IL23R: variants seen among roughly 807,000 people sequenced by gnomAD.
IL23R encodes the protein interleukin 23 receptor, also known as interleukin-23 receptor.
IL23R carries 34 observed loss-of-function variants against 56.9 expected under a neutral mutation model. The observed-to-expected ratio is 0.60, with a 90% CI of 0.45 to 0.80. The LOEUF is 0.80. IL23R is among the 30% of genes least tolerant of loss of function. IL23R has a pLI of 0.00. For missense variants in IL23R, 635 were observed against 730.0 expected (o/e 0.87, Z 1.50); for synonymous variants, 230 against 249.2 (o/e 0.92, Z 0.73).
chr1:67,236,724 A>T lies in IL23R; in HGVS notation c.967A>T (p.Thr323Ser). ...HKTPETVPQV[T>S]SKAFQHDTWN... The stretch of plus-strand genomic sequence containing the variant: ...CCTTTTGGTTTAAGTTCCCCAGGTC[A>T]CATCAAAAGCATTCCAACATGACAC... Residue 323 changes from threonine (T) to serine (S), a missense_variant, in exon 8 of 11, where the codon ACA becomes TCA. By Grantham distance (58) the Thr-to-Ser change is moderately conservative (BLOSUM62 1). Coordinates refer to ENST00000347310, the MANE Select transcript of IL23R (RefSeq NM_144701.3). 6.2e-7 allele frequency: 1 copy of T among 1,612,658 alleles called. No individual in the cohort carries two copies. Among genetic ancestry groups the T allele is most frequent in the Non-Finnish European group, 8.5e-7 (1 of 1,178,618 alleles).
chr1:67,186,051 C>T (rs1558234091), intron 4 of IL23R, among the ~76,000 whole-genome samples: 1 of 152,172 alleles, frequency 6.6e-6, no homozygotes, highest in Non-Finnish European at 1.5e-5. Context: ...TCTCTGGCTA[C>T]ACCACTGGAG....
intron 1 of IL23R, among the ~76,000 whole-genome samples, chr1:67,160,735 G>A (rs1436968161): frequency 6.6e-6 from 1 of 152,066 alleles, no homozygotes; most frequent in Non-Finnish European, 1.5e-5. Context: ...AGGCTGGAGT[G>A]CAGTGGCATG....
intron 1 of IL23R, among the ~76,000 whole-genome samples, chr1:67,151,773 T>G (rs1179928853): frequency 6.6e-6 from 1 of 152,206 alleles, no homozygotes; most frequent in Non-Finnish European, 1.5e-5. Flanking sequence ...ATATGTGGTG[T>G]TGTTTCTGAG....
chr1:67,258,064 C>T (rs547036650), intron 10 of IL23R, among the ~76,000 whole-genome samples: 11 of 152,098 alleles, frequency 7.2e-5, no homozygotes, highest in Admixed American at 6.6e-4. Context: ...TTCTCCCCAA[C>T]CTTTTTTTAT....
At chr1:67,228,475 G>A (rs1052326394) in intron 7 of IL23R, among the ~76,000 whole-genome samples, 1 of 149,146 alleles carries the variant, frequency 6.7e-6, no homozygotes, top group Middle Eastern at 3.6e-3. Flanking sequence ...TGGGCTTACA[G>A]GCAGGAGCCA....
At chr1:67,149,952 C>T (rs925180951) in intron 1 of IL23R, among the ~76,000 whole-genome samples, 11 of 152,098 alleles carry the variant, frequency 7.2e-5, no homozygotes, top group South Asian at 6.3e-4. Context: ...GAGAGTTAGT[C>T]GAAAAATTGC....
upstream of IL23R, among the ~76,000 whole-genome samples, chr1:67,163,091 C>G (rs1446318321): frequency 1.3e-5 from 2 of 151,992 alleles, no homozygotes; most frequent in African/African-American, 4.8e-5. Context: ...TCTTTTTTCT[C>G]CAACAAAGCT....
intron 7 of IL23R, among the ~76,000 whole-genome samples, chr1:67,221,257 G>T (rs138481132): frequency 1.3e-4 from 20 of 151,856 alleles, no homozygotes; most frequent in Admixed American, 3.3e-4. Context: ...GGAGACAGAG[G>T]TTGGAGTGAG....
At chr1:67,211,101 G>A (rs1395511591) in intron 6 of IL23R, among the ~76,000 whole-genome samples, 1 of 152,036 alleles carries the variant, frequency 6.6e-6, no homozygotes, top group Admixed American at 6.5e-5. Context: ...TGAACTTTAT[G>A]GTTGTTTGCA....
In IL23R at chr1:67,169,524, G is replaced by A. The variant is rs1433548222; in HGVS notation, c.253G>A (p.Ala85Thr). Residue 85 changes from alanine to threonine, a missense_variant, in exon 3 of 11, where the codon GCT becomes ACT. By Grantham distance (58) the Ala-to-Thr change is moderately conservative (BLOSUM62 0). Coordinates refer to ENST00000347310, the MANE Select transcript of IL23R (RefSeq NM_144701.3). ...AATCACAAGGATTAATAAAACAACA[G>A]CTCGGCTTTGGTATAAAAACTTTCT... ...FQITRINKTTARLWYKNFLEP... is the reference protein window; with the variant it reads ...FQITRINKTTTRLWYKNFLEP... The A allele has an allele frequency of 1.2e-6, 2 of 1,613,798 alleles. No homozygotes were observed. The highest frequency in any genetic ancestry group is 2.7e-5 in the African/African-American group (2 of 74,914).
upstream of IL23R, among the ~76,000 whole-genome samples, chr1:67,163,468 C>CAAAA (rs57495148): frequency 1.0e-3 from 50 of 49,592 alleles, 1 homozygote; most frequent in African/African-American, 2.8e-3. Flanking sequence ...GACCCTGTCT[C>CAAAA]AAAAAAAAAA....
chr1:67,160,230 A>G (rs1299327399), intron 1 of IL23R, among the ~76,000 whole-genome samples: 1 of 152,182 alleles, frequency 6.6e-6, no homozygotes, highest in African/African-American at 2.4e-5. Context: ...TGACTTTGAG[A>G]AGCTGACAAT....
Position 67,215,115 on chromosome 1 carries a change from G to A in IL23R, c.799-4459G>A, listed in dbSNP as rs552531065. Among the ~76,000 whole-genome samples the A allele has an allele frequency of 5.3e-5, 8 of 152,174 alleles. No individual in the cohort carries two copies. The South Asian group carries it at 6.2e-4, about 12-fold the overall frequency. On this transcript the variant is annotated intron_variant, in intron 6 of 10. Transcript: ENST00000347310. ...TTAAAAGGACAGAAATTGTGCATTC[G>A]GGGAGCTCGGATTTTAAGGCGGTAG...
At chr1:67,154,540 G>A (rs1445122800) in intron 1 of IL23R, among the ~76,000 whole-genome samples, 3 of 151,828 alleles carry the variant, frequency 2.0e-5, no homozygotes, top group Non-Finnish European at 4.4e-5. Flanking sequence ...TTTAATTTTT[G>A]TTGGTTTAAA....
chr1:67,198,170 C>A lies in IL23R; in HGVS notation c.492-2567C>A, dbSNP rs1039470403. 2.0e-5 allele frequency among the ~76,000 whole-genome samples: 3 copies of A among 152,240 alleles called. No individual in the cohort carries two copies. The South Asian group carries it at 6.2e-4, about 32-fold the overall frequency. On this transcript the variant is annotated intron_variant, in intron 4 of 10. Transcript: ENST00000347310. Reference sequence around the variant, plus strand: ...CAGCAAGCCATTCATGAAGGGTCTGCCCCACAAGTCCTCACCTCCAACACT... The same window carrying A: ...CAGCAAGCCATTCATGAAGGGTCTGACCCACAAGTCCTCACCTCCAACACT...
upstream of IL23R, among the ~76,000 whole-genome samples, chr1:67,165,951 A>G (rs551534595): frequency 6.6e-6 from 1 of 152,352 alleles, no homozygotes; most frequent in East Asian, 1.9e-4. Flanking sequence ...ATTTGCTTGA[A>G]TGTTCTCTCT....
chr1:67,152,407 C>A (rs1324058547), intron 1 of IL23R, among the ~76,000 whole-genome samples: 2 of 152,130 alleles, frequency 1.3e-5, no homozygotes, highest in East Asian at 1.9e-4. Flanking sequence ...TGCAAACAGA[C>A]AATTTGACTT....
chr1:67,161,667 C>T (rs1013880280), upstream of IL23R, among the ~76,000 whole-genome samples: 3 of 151,682 alleles, frequency 2.0e-5, no homozygotes, highest in Admixed American at 6.6e-5. Flanking sequence ...CTCACTCTGT[C>T]GCCAGGCTGG....
chr1:67,249,762 T>G (rs562283783), intron 9 of IL23R, among the ~76,000 whole-genome samples: 15 of 152,266 alleles, frequency 9.9e-5, no homozygotes, highest in African/African-American at 3.6e-4. Context: ...GAAATTTCAT[T>G]TTGGGAAGCC....
Sources: allele counts gnomAD v4.1 joint callset (sites outside exome capture counted in the v4.1 genomes callset), GRCh38; gene constraint gnomAD v4.1.1; transcripts MANE v1.5; gene names NCBI Gene and HGNC (gene_info 2026-07-23, HGNC 2026-07-21).